Variants in RIC1 observed in about 807,000 individuals in gnomAD.
RIC1 encodes the protein RIC1 partner of RAB6A GEF complex, also known as guanine nucleotide exchange factor subunit RIC1.
Under a neutral mutation model 169.0 loss-of-function variants are expected in RIC1, and 88 were observed. That is an observed-to-expected ratio of 0.52 (90% CI 0.44 to 0.62). RIC1 has a LOEUF of 0.62. RIC1 is among the 20% of genes least tolerant of loss of function. The pLI, the probability that RIC1 is intolerant of heterozygous loss-of-function variation, is 0.00. For synonymous variants in RIC1, 790 were observed against 601.5 expected (o/e 1.31, Z -4.59); for missense variants, 1,877 against 1,725.5 (o/e 1.09, Z -1.56).
chr9:5,673,093 T>C (rs188410060), intron 2 of RIC1, among the ~76,000 whole-genome samples: 2 of 152,192 alleles, frequency 1.3e-5, no homozygotes, highest in East Asian at 3.9e-4. Flanking sequence ...TAGTGAGAGA[T>C]AGGTGATAAA....
chr9:5,689,104 A>G (rs1821439361), intron 2 of RIC1, among the ~76,000 whole-genome samples: 1 of 125,180 alleles, frequency 8.0e-6, no homozygotes, highest in Non-Finnish European at 1.6e-5. Context: ...CGGGGAGTGC[A>G]GTGGCGCGAT....
At chr9:5,657,388 T>C (rs945667643) in intron 2 of RIC1, among the ~76,000 whole-genome samples, 1 of 152,166 alleles carries the variant, frequency 6.6e-6, no homozygotes, top group Non-Finnish European at 1.5e-5. Context: ...ATGTGGTTAA[T>C]TAACATTATT....
chr9:5,695,571 CTTTTTTTTT>C (rs539521445), intron 3 of RIC1, among the ~76,000 whole-genome samples: 1 of 128,738 alleles, frequency 7.8e-6, no homozygotes, highest in South Asian at 2.6e-4. Flanking sequence ...ATTATTATAT[CTTTTTTTTT>C]TTTTTTTTTT....
At chr9:5,726,168 T>G (rs1295827763) in intron 6 of RIC1, among the ~76,000 whole-genome samples, 1 of 152,136 alleles carries the variant, frequency 6.6e-6, no homozygotes, top group Non-Finnish European at 1.5e-5. Context: ...AAGTCTCCCA[T>G]TATTATTGTG....
At chr9:5,633,407 T>G (rs917582041) in intron 1 of RIC1, among the ~76,000 whole-genome samples, 3 of 152,186 alleles carry the variant, frequency 2.0e-5, no homozygotes, top group African/African-American at 7.2e-5. Flanking sequence ...ACTCCTTAGT[T>G]TGATATCACA....
At chr9:5,746,197 C>T in intron 11 of RIC1, 114 bp downstream of exon 11, 1 of 638,828 alleles carries the variant, frequency 1.6e-6, no homozygotes, top group African/African-American at 1.8e-5. Flanking sequence ...ATCTTCTTTT[C>T]TATGATTCTT....
At chr9:5,680,674 T>C (rs1285746316) in intron 2 of RIC1, among the ~76,000 whole-genome samples, 1 of 152,166 alleles carries the variant, frequency 6.6e-6, no homozygotes, top group African/African-American at 2.4e-5. Flanking sequence ...AGTTTGTATT[T>C]CTGTGGGATT....
At chr9:5,660,931 C>A (rs928864997) in intron 2 of RIC1, among the ~76,000 whole-genome samples, 1 of 152,146 alleles carries the variant, frequency 6.6e-6, no homozygotes, top group African/African-American at 2.4e-5. Flanking sequence ...CTGCCTGTGC[C>A]TGTGTCCCAA....
Position 5,765,506 on chromosome 9 carries a change from G to A in RIC1, c.2934G>A (p.Met978Ile). 1 of 1,614,168 alleles carries A rather than the reference G, an allele frequency of 6.2e-7. No individual in the cohort carries two copies. Among genetic ancestry groups the A allele is most frequent in the Non-Finnish European group, 8.5e-7 (1 of 1,180,000 alleles). ...GCAAGTGGGACCTTTGTCGACACAT[G>A]ATTCGATTTCTTAAAGCCATTGGCT... is the stretch of plus-strand genomic sequence containing the variant. ...EQGKWDLCRH[M>I]IRFLKAIGSG... is the part of the protein sequence containing the mutation. Residue 978 changes from methionine (M) to isoleucine (I), a missense_variant, in exon 20 of 26, where the codon ATG becomes ATA. By Grantham distance (10) the Met-to-Ile change is conservative. Coordinates refer to ENST00000414202, the MANE Select transcript of RIC1 (RefSeq NM_020829.4).
intron 1 of RIC1, among the ~76,000 whole-genome samples, chr9:5,652,649 G>A (rs1452950507): frequency 1.3e-5 from 2 of 151,280 alleles, no homozygotes; most frequent in East Asian, 1.9e-4. Flanking sequence ...TGCAAATAGT[G>A]TTAATTTGAC....
chr9:5,732,571 T>A, intron 7 of RIC1, 92 bp downstream of exon 7: 1 of 701,072 alleles, frequency 1.4e-6, no homozygotes, highest in Non-Finnish European at 2.4e-6. Context: ...CTAACATACT[T>A]ATAAACTGCA....
intron 3 of RIC1, among the ~76,000 whole-genome samples, chr9:5,710,785 A>G (rs1305911047): frequency 7.2e-5 from 11 of 152,212 alleles, no homozygotes; most frequent in Admixed American, 4.6e-4. Context: ...GGGGGAGTGG[A>G]TGAGAAAATT....
intron 1 of RIC1, among the ~76,000 whole-genome samples, chr9:5,639,799 T>C (rs1426716437): frequency 6.6e-6 from 1 of 152,242 alleles, no homozygotes; most frequent in Non-Finnish European, 1.5e-5. Flanking sequence ...TATATTCTAT[T>C]GCTGGATTGA....
At chr9:5,661,729 G>T (rs1819463370) in intron 2 of RIC1, among the ~76,000 whole-genome samples, 1 of 152,130 alleles carries the variant, frequency 6.6e-6, no homozygotes, top group South Asian at 2.1e-4. Context: ...CAAAGCTTTT[G>T]GGCTGAGGCA....
chr9:5,656,712 A>G, intron 2 of RIC1, 22 bp downstream of exon 2: 2 of 1,335,150 alleles, frequency 1.5e-6, no homozygotes, highest in Non-Finnish European at 2.1e-6. Context: ...TTACCGCTAA[A>G]TAGTGTTTTC....
downstream of RIC1, among the ~76,000 whole-genome samples, chr9:5,777,672 T>G (rs1047097661): frequency 2.0e-5 from 3 of 152,194 alleles, no homozygotes; most frequent in Non-Finnish European, 4.4e-5. Flanking sequence ...TTAATTTTCA[T>G]ATATGATATG....
intron 2 of RIC1, among the ~76,000 whole-genome samples, chr9:5,673,535 G>GAGATATATATATATATATATATAT (rs1554663215): frequency 8.4e-6 from 1 of 119,304 alleles, no homozygotes; most frequent in Non-Finnish European, 1.7e-5. Context: ...AACATAAGGA[G>GAGATATATATATATATATATATAT]ATATATATAT....
chr9:5,673,555 T>TATATATATATATATATATATATATAG (rs1233980958), intron 2 of RIC1, among the ~76,000 whole-genome samples: 2 of 144,394 alleles, frequency 1.4e-5, no homozygotes, highest in African/African-American at 2.7e-5. Flanking sequence ...TATATATATA[T>TATATATATATATATATATATATATAG]ATAAATAAAT....
At chr9:5,778,366 A>T (rs1586748092), downstream of RIC1, among the ~76,000 whole-genome samples, 1 of 152,142 alleles carries the variant, frequency 6.6e-6, no homozygotes, top group African/African-American at 2.4e-5. Flanking sequence ...CTTCCTTTTC[A>T]ATCTGGATGC....
Sources: gnomAD v4.1 joint callset for allele counts (sites outside exome capture counted in the v4.1 genomes callset) on GRCh38, gnomAD v4.1.1 for gene constraint, MANE v1.5 for transcripts, NCBI Gene and HGNC (gene_info 2026-07-23, HGNC 2026-07-21) for gene names.